Variants in PDE7B observed in about 807,000 individuals in gnomAD.
PDE7B encodes the protein phosphodiesterase 7B.
Under a neutral mutation model 56.2 loss-of-function variants are expected in PDE7B, and 29 were observed. That is an observed-to-expected ratio of 0.52 (90% confidence interval 0.38 to 0.70). PDE7B has a LOEUF of 0.70. PDE7B is among the 30% of genes least tolerant of loss of function. PDE7B has a pLI of 0.00. For missense variants in PDE7B, 490 were observed against 565.0 expected, an observed-to-expected ratio of 0.87 and a Z score of 1.35; for synonymous variants, 197 against 196.9, an observed-to-expected ratio of 1.00 and a Z score of 0.00.
chr6:135,975,572 G>A (rs1482949286), intron 2 of PDE7B, among the ~76,000 whole-genome samples: 2 of 152,118 alleles, frequency 1.3e-5, no homozygotes, highest in Admixed American at 1.3e-4. Flanking sequence ...TTTCTCCAAG[G>A]AACTACAGCC....
At chr6:136,104,288 C>T (rs1677077327) in intron 2 of PDE7B, among the ~76,000 whole-genome samples, 1 of 152,192 alleles carries the variant, frequency 6.6e-6, no homozygotes, top group African/African-American at 2.4e-5. Flanking sequence ...ACGCTTCCTA[C>T]CAGCTTCCAC....
At chr6:135,907,500 T>C (rs892524471) in intron 1 of PDE7B, among the ~76,000 whole-genome samples, 1 of 152,076 alleles carries the variant, frequency 6.6e-6, no homozygotes, top group African/African-American at 2.4e-5. Flanking sequence ...GTTTCTATAG[T>C]TGTTATCAGA....
chr6:136,119,055 AAAG>A (rs1040394858), intron 3 of PDE7B, among the ~76,000 whole-genome samples: 2 of 152,184 alleles, frequency 1.3e-5, no homozygotes, highest in Non-Finnish European at 1.5e-5. Context: ...AGCTGCCCCC[AAAG>A]AAGAAGGAAA....
At chr6:135,863,694 T>G (rs1214676917) in intron 1 of PDE7B, among the ~76,000 whole-genome samples, 6 of 125,268 alleles carry the variant, frequency 4.8e-5, no homozygotes, top group African/African-American at 2.7e-4. Context: ...CCCTTCCAAT[T>G]TTTTTTTTTT....
chr6:135,975,921 G>T (rs74634204), intron 2 of PDE7B, among the ~76,000 whole-genome samples: 4,632 of 152,178 alleles, frequency 0.03, 211 homozygotes, highest in African/African-American at 0.099. Context: ...CTCCAACCAG[G>T]CCATGGAGTT....
intron 12 of PDE7B, among the ~76,000 whole-genome samples, chr6:136,189,394 T>C (rs536456780): frequency 4.0e-5 from 6 of 151,892 alleles, no homozygotes; most frequent in Admixed American, 3.3e-4. Flanking sequence ...CAAAACCCCA[T>C]CTCCACAAAA....
In PDE7B at chr6:136,131,525, G is replaced by T. The variant is rs573988983; in HGVS notation, c.167-15826G>T. Among the ~76,000 whole-genome samples the T allele has an allele frequency of 6.0e-4, 58 of 96,498 alleles. No individual in the cohort carries two copies. In the East Asian group the frequency reaches 0.019, roughly 31 times the overall value. 63.3% of individuals were successfully genotyped at this position (96,498 alleles called of 152,430 possible). The stretch of plus-strand genomic sequence containing the variant: ...TTTTTTTTTTTTTTTTTTTTGAGCC[G>T]CCTGTTTGCCCAAGTAACTCCCACT... On this transcript the variant is annotated intron_variant, in intron 3 of 12. Transcript: ENST00000308191.
chr6:136,074,009 C>T (rs755360217), intron 2 of PDE7B, among the ~76,000 whole-genome samples: 2 of 151,890 alleles, frequency 1.3e-5, no homozygotes, highest in Non-Finnish European at 2.9e-5. Context: ...GTTCCTATGA[C>T]AAAAAGGAAT....
intron 1 of PDE7B, among the ~76,000 whole-genome samples, chr6:135,918,427 A>G (rs1218076909): frequency 6.6e-6 from 1 of 152,150 alleles, no homozygotes; most frequent in Non-Finnish European, 1.5e-5. Flanking sequence ...ATCATTATTT[A>G]TGAATCTAAA....
chr6:136,104,308 C>T (rs1583883124), intron 2 of PDE7B, among the ~76,000 whole-genome samples: 1 of 152,190 alleles, frequency 6.6e-6, no homozygotes, highest in Non-Finnish European at 1.5e-5. Context: ...CAGCACCTTT[C>T]ATATGCCAGA....
At chr6:136,025,101 A>T (rs1447845204) in intron 2 of PDE7B, among the ~76,000 whole-genome samples, 1 of 152,210 alleles carries the variant, frequency 6.6e-6, no homozygotes, top group African/African-American at 2.4e-5. Flanking sequence ...TTGCAACACC[A>T]AATATCCCTT....
intron 2 of PDE7B, among the ~76,000 whole-genome samples, chr6:135,962,136 T>TA (rs1774913190): frequency 3.3e-5 from 5 of 152,080 alleles, no homozygotes; most frequent in East Asian, 3.8e-4. Flanking sequence ...AATTTTGCCC[T>TA]AAAAAAACCA....
chr6:136,121,807 G>C (rs1455808839), intron 3 of PDE7B, among the ~76,000 whole-genome samples: 1 of 152,148 alleles, frequency 6.6e-6, no homozygotes, highest in Non-Finnish European at 1.5e-5. Context: ...AAAAAGACCA[G>C]GTATGGGAAA....
intron 2 of PDE7B, among the ~76,000 whole-genome samples, chr6:135,962,233 C>G (rs1296615348): frequency 6.6e-6 from 1 of 152,126 alleles, no homozygotes. Context: ...AATCATATAG[C>G]CTAACACTTC....
chr6:136,005,254 G>C (rs1210379423), intron 2 of PDE7B, among the ~76,000 whole-genome samples: 1 of 152,202 alleles, frequency 6.6e-6, no homozygotes. Context: ...AAAAACCGTA[G>C]AAGAAAACCT....
At chr6:136,059,518 G>A (rs149842517) in intron 2 of PDE7B, among the ~76,000 whole-genome samples, 13 of 152,292 alleles carry the variant, frequency 8.5e-5, no homozygotes, top group South Asian at 2.1e-4. Context: ...AGGCACAGTC[G>A]CTTGAAACAG....
chr6:136,167,439 G>C (rs1562511325), intron 8 of PDE7B, among the ~76,000 whole-genome samples: 1 of 152,022 alleles, frequency 6.6e-6, no homozygotes. Flanking sequence ...AGATCTGATG[G>C]TTTCATAAAG....
intron 2 of PDE7B, among the ~76,000 whole-genome samples, chr6:135,988,075 G>T (rs1452473092): frequency 2.0e-5 from 3 of 152,156 alleles, no homozygotes; most frequent in Non-Finnish European, 2.9e-5. Context: ...ATTAAAAGCA[G>T]AATGGTATTT....
chr6:136,103,060 C>T (rs1349784490), intron 2 of PDE7B, among the ~76,000 whole-genome samples: 9 of 152,218 alleles, frequency 5.9e-5, no homozygotes, highest in Admixed American at 2.6e-4. Flanking sequence ...GGTTTCTGGA[C>T]GACTAACTCC....
Sources: gnomAD v4.1 joint callset for allele counts (sites outside exome capture counted in the v4.1 genomes callset) on GRCh38, gnomAD v4.1.1 for gene constraint, MANE v1.5 for transcripts, NCBI Gene and HGNC (gene_info 2026-07-23, HGNC 2026-07-21) for gene names.